Variants in PDXK observed in about 807,000 individuals in gnomAD.
PDXK encodes the protein epididymis secretory sperm binding protein Li 1a.
A neutral mutation model predicts 43.2 loss-of-function variants in PDXK; 15 were observed. The ratio of observed to expected loss-of-function variants is 0.35; its 90% CI spans 0.23 to 0.53. The LOEUF is 0.53. PDXK is among the 20% of genes least tolerant of loss of function. The pLI is 0.92. For missense variants in PDXK, 343 were observed against 417.0 expected, an observed-to-expected ratio of 0.82 and a Z score of 1.54; for synonymous variants, 172 against 165.4, an observed-to-expected ratio of 1.04 and a Z score of -0.31.
rs565574837 is a variant in PDXK at position 43,733,232 on chromosome 21, C to T, written c.88-837C>T. Among the ~76,000 whole-genome samples, 165 of 148,172 alleles carry T rather than the reference C, an allele frequency of 1.1e-3. 1 individual carries two copies. Among genetic ancestry groups the T allele is most frequent in the African/African-American group, 4.0e-3 (162 of 40,174 alleles). ...GTGAAGAAACAAATGTGGGAAGCCC[C>T]GGAAGCCCCTCCCCATCCCCACCCC... On this transcript the variant is annotated intron_variant, in intron 1 of 10. Transcript: ENST00000291565.
chr21:43,737,295 C>T lies in PDXK; in HGVS notation c.142+3172C>T, dbSNP rs1041663546. The T allele has an allele frequency of 1.7e-5, 24 of 1,397,026 alleles. No individual in the cohort carries two copies. The highest frequency in any genetic ancestry group is 6.2e-5 in the Admixed American group (2 of 32,434). 86.5% of individuals were successfully genotyped at this position (1,397,026 alleles called of 1,614,324 possible). A position where few individuals can be genotyped will look rare whatever the true frequency, so the allele number is the denominator to read the frequency against. ...CCACCTGGCGCAGGCCTCGCCGCCT[C>T]GAGGCTGCTGCTCGCACTTCTGCCC... On this transcript the variant is annotated intron_variant, in intron 2 of 10. Transcript: ENST00000291565. This position sits in a 1 kb window ranked among gnomAD's most constrained non-coding sequence, Gnocchi z 4.8.
Position 43,732,305 on chromosome 21 carries a change from C to T in PDXK, c.88-1764C>T. ...TTTCTCTGGGGTCCCAGGCTCCCGT[C>T]CTGGACCTTGGCACCCCGCCCCCCG... On this transcript the variant is annotated intron_variant, in intron 1 of 10. Coordinates refer to ENST00000291565, the MANE Select transcript of PDXK (RefSeq NM_003681.5). The surrounding 1 kb of genome is among the most constrained non-coding windows in gnomAD (Gnocchi z 4.1). 1 of 1,599,474 alleles carries T rather than the reference C, an allele frequency of 6.3e-7. No homozygotes were observed. The highest frequency in any genetic ancestry group is 8.5e-7 in the Non-Finnish European group (1 of 1,172,018).
At chr21:43,733,576 A>C in intron 1 of PDXK, 1 of 916,510 alleles carries the variant, frequency 1.1e-6, no homozygotes, top group Non-Finnish European at 1.3e-6. Context: ...CCTGACTCTC[A>C]CTCAGGCTTT....
intron 1 of PDXK, among the ~76,000 whole-genome samples, chr21:43,733,253 A>ACCCCCCCCCCCCCCC (rs1226314950): frequency 1.8e-4 from 10 of 56,166 alleles, no homozygotes; most frequent in South Asian, 1.1e-3. Flanking sequence ...CCCCATCCCC[A>ACCCCCCCCCCCCCCC]CCCCCCCCCC....
At chr21:43,740,163 G>A (rs2083470491) in intron 2 of PDXK, among the ~76,000 whole-genome samples, 2 of 152,198 alleles carry the variant, frequency 1.3e-5, no homozygotes, top group African/African-American at 2.4e-5. Context: ...CTGGAGCGTG[G>A]CTCCTGATGG....
At chr21:43,726,831 T>G (rs2147210709) in intron 1 of PDXK, among the ~76,000 whole-genome samples, 1 of 152,126 alleles carries the variant, frequency 6.6e-6, no homozygotes, top group Non-Finnish European at 1.5e-5. Context: ...ACACTGTGTG[T>G]GTATGTGGGT....
chr21:43,733,736 C>T, intron 1 of PDXK: 1 of 1,014,494 alleles, frequency 9.9e-7, no homozygotes, highest in Non-Finnish European at 1.3e-6. Context: ...GTTTGTTAGT[C>T]TTATTGAGTG....
chr21:43,736,131 T>C (rs1279379361), intron 2 of PDXK, among the ~76,000 whole-genome samples: 3 of 152,146 alleles, frequency 2.0e-5, no homozygotes, highest in African/African-American at 7.2e-5. Context: ...TTGTTGTTTT[T>C]CCTTTTTGTT....
intron 2 of PDXK, chr21:43,738,660 A>G (rs914134785): frequency 2.0e-5 from 3 of 152,420 alleles, no homozygotes; most frequent in South Asian, 2.1e-4. Flanking sequence ...GGACAGACAC[A>G]CGAGCTCCTG....
In PDXK at chr21:43,723,835, C is replaced by G. The variant is rs2083228018; in HGVS notation, c.87+4454C>G. The stretch of plus-strand genomic sequence containing the variant: ...CTGTCAGCCTCTGGAGCCGCCGAGG[C>G]TGGGTGCCAGGCACTGCCGCCTGGG... On this transcript the variant is annotated intron_variant, in intron 1 of 10. Transcript: ENST00000291565. The surrounding 1 kb of genome is among the most constrained non-coding windows in gnomAD (Gnocchi z 4.1). The G allele has an allele frequency of 6.6e-6, 1 of 152,284 alleles. No individual in the cohort carries two copies. Among genetic ancestry groups the G allele is most frequent in the African/African-American group, 2.4e-5 (1 of 41,440 alleles). 9.4% of individuals were successfully genotyped at this position (152,284 alleles called of 1,614,324 possible).
chr21:43,721,258 G>A (rs924392201), intron 1 of PDXK, among the ~76,000 whole-genome samples: 8 of 152,244 alleles, frequency 5.3e-5, no homozygotes, highest in African/African-American at 4.8e-5. Context: ...AGTGTTTGCC[G>A]CTTCTAGCTG....
At chr21:43,730,946 C>G (rs957605503) in intron 1 of PDXK, among the ~76,000 whole-genome samples, 2 of 152,056 alleles carry the variant, frequency 1.3e-5, no homozygotes, top group Non-Finnish European at 2.9e-5. Flanking sequence ...TAGAGTGAGA[C>G]CCTGTCTCAA....
At chr21:43,724,883 A>G (rs1207079037) in intron 1 of PDXK, among the ~76,000 whole-genome samples, 1 of 151,882 alleles carries the variant, frequency 6.6e-6, no homozygotes, top group African/African-American at 2.4e-5. Flanking sequence ...TGGAAGTACA[A>G]TGTATTTTTA....
At chr21:43,749,197 G>A (rs768657546) in intron 6 of PDXK, 117 bp downstream of exon 6, 22 of 558,022 alleles carry the variant, frequency 3.9e-5, no homozygotes, top group Non-Finnish European at 6.2e-5. Context: ...CTCTGTCTCC[G>A]GGGTTCAAGC....
At chr21:43,750,962 ATGTGTGTGTGTG>A (rs3042278) in intron 7 of PDXK, among the ~76,000 whole-genome samples, 1 of 150,624 alleles carries the variant, frequency 6.6e-6, no homozygotes, top group Non-Finnish European at 1.5e-5. Context: ...ATGTGTGTGC[ATGTGTGTGTGTG>A]TGTGTGCACA....
Position 43,750,403 on chromosome 21 carries a change from G to A in PDXK, c.465-97G>A, listed in dbSNP as rs545815350. The A allele has an allele frequency of 5.8e-4, 626 of 1,084,786 alleles. 1 individual carries two copies. The highest frequency in any genetic ancestry group is 2.5e-3 in the Admixed American group (116 of 46,108). The allele number at this position is 1,084,786 out of a possible 1,614,324, so 67.2% of individuals were successfully genotyped here. A position where few individuals can be genotyped will look rare whatever the true frequency, so the allele number is the denominator to read the frequency against. ...AGAGTTAGCTGCCTGTGGGGATGGG[G>A]ATTTCCAGAGCCGCTGCGGTTTGGG... On this transcript the variant is annotated intron_variant, in intron 6 of 10. Coordinates refer to ENST00000291565, the MANE Select transcript of PDXK (RefSeq NM_003681.5).
At chr21:43,740,574 A>T (rs754975312) in intron 2 of PDXK, among the ~76,000 whole-genome samples, 1 of 152,070 alleles carries the variant, frequency 6.6e-6, no homozygotes, top group Non-Finnish European at 1.5e-5. Context: ...CCCCCTGAGC[A>T]GTGCTTTGAG....
chr21:43,745,971 T>A, intron 4 of PDXK, 108 bp from the exon 5 acceptor site: 1 of 894,598 alleles, frequency 1.1e-6, no homozygotes, highest in Non-Finnish European at 1.9e-6. Context: ...CACTCCAGCC[T>A]GGACAACAGA....
At chr21:43,745,472 G>C (rs529602737) in intron 4 of PDXK, among the ~76,000 whole-genome samples, 2 of 152,088 alleles carry the variant, frequency 1.3e-5, no homozygotes, top group East Asian at 1.9e-4. Flanking sequence ...CCTAAGGCAG[G>C]GGGAGTGGGG....
Sources: gnomAD v4.1 joint callset for allele counts (sites outside exome capture counted in the v4.1 genomes callset) on GRCh38, gnomAD v4.1.1 for gene constraint, Gnocchi (gnomAD v3.1) non-coding constraint, MANE v1.5 for transcripts, NCBI Gene and HGNC (gene_info 2026-07-23, HGNC 2026-07-21) for gene names.